The following ADAMTS16 variants were observed in gnomAD, a reference collection of about 807,000 sequenced individuals.
ADAMTS16 encodes the protein ADAM metallopeptidase with thrombospondin type 1 motif 16, also known as A disintegrin and metalloproteinase with thrombospondin motifs 16.
ADAMTS16 carries 94 observed loss-of-function variants against 145.8 expected under a neutral mutation model. The observed-to-expected ratio is 0.64, with a 90% CI of 0.55 to 0.77. The LOEUF is 0.77. Ranked by LOEUF, ADAMTS16 falls within the 30% of genes least tolerant of loss-of-function variation. The probability of loss-of-function intolerance (pLI) is 0.00; values close to 1 mark genes in which losing one functional copy is unlikely to be tolerated. For missense variants in ADAMTS16, 1,585 were observed against 1,591.5 expected (o/e 1.00, Z 0.07); for synonymous variants, 659 against 604.3 (o/e 1.09, Z -1.33).
chr5:5,246,463 A>G (rs1362383526), intron 17 of ADAMTS16, among the ~76,000 whole-genome samples: 1 of 152,198 alleles, frequency 6.6e-6, no homozygotes, highest in African/African-American at 2.4e-5. Context: ...TTTGAAAAAA[A>G]TGATTGAAAT....
intron 3 of ADAMTS16, among the ~76,000 whole-genome samples, chr5:5,169,260 T>G (rs977715028): frequency 2.0e-5 from 3 of 152,220 alleles, no homozygotes; most frequent in Non-Finnish European, 4.4e-5. Flanking sequence ...ATTTCTTGTT[T>G]CAACGTAGAA....
chr5:5,282,508 G>A (rs947102825), intron 18 of ADAMTS16, among the ~76,000 whole-genome samples: 5 of 152,070 alleles, frequency 3.3e-5, no homozygotes, highest in Admixed American at 3.3e-4. Context: ...ATCCACATGC[G>A]GTTCACAAAG....
At chr5:5,282,238 C>G (rs182974298) in intron 18 of ADAMTS16, among the ~76,000 whole-genome samples, 2 of 152,190 alleles carry the variant, frequency 1.3e-5, no homozygotes, top group East Asian at 3.9e-4. Context: ...TGGAGTTTCC[C>G]TTAATAGATT....
intron 18 of ADAMTS16, among the ~76,000 whole-genome samples, chr5:5,277,203 T>G (rs1017788808): frequency 8.5e-5 from 13 of 152,300 alleles, no homozygotes; most frequent in Non-Finnish European, 1.5e-4. Context: ...CAAATGTCAG[T>G]GGAAGGACAG....
At chr5:5,206,425 C>CAAAAAAAAAAA (rs1173829992) in intron 9 of ADAMTS16, among the ~76,000 whole-genome samples, 35 of 39,424 alleles carry the variant, frequency 8.9e-4, no homozygotes, top group South Asian at 2.5e-3. Context: ...GACTCCGTCT[C>CAAAAAAAAAAA]AAAAAAAAAA....
rs927627343 is a variant in ADAMTS16, at chr5:5,262,752, G to T, written c.2758G>T (p.Val920Leu). Reference protein sequence around the residue: ...NPKTRPVTGLVPCKVSACPPS... With the variant: ...NPKTRPVTGLLPCKVSACPPS... ...CAAGACACGACCTGTCACGGGGCTG[G>T]TGCCTTGCAAAGTATCTGCCTGTCC... Residue 920 changes from valine to leucine, a missense_variant, in exon 18 of 23, where the codon GTG becomes TTG. This residue lies in a region of ADAMTS16 where 834 missense variants were observed against 811.7 expected (regional missense o/e 1.03). Transcript: ENST00000274181. 6.2e-7 allele frequency: 1 copy of T among 1,614,092 alleles called. No individual in the cohort carries two copies. Among genetic ancestry groups the T allele is most frequent in the Non-Finnish European group, 8.5e-7 (1 of 1,180,044 alleles).
chr5:5,189,905 G>A (rs1294428998), intron 6 of ADAMTS16, 66 bp from the exon 7 acceptor site: 3 of 1,582,668 alleles, frequency 1.9e-6, no homozygotes, highest in Non-Finnish European at 1.7e-6. Flanking sequence ...TTGCTGTGAT[G>A]ACAATGCATT....
rs1365226886 is a variant in ADAMTS16 at position 5,220,619 on chromosome 5, A to G, written c.1606-2170A>G. On this transcript the variant is annotated intron_variant, in intron 10 of 22. Coordinates refer to ENST00000274181, the MANE Select transcript of ADAMTS16 (RefSeq NM_139056.4). Reference sequence around the variant, plus strand: ...GTGCCATTGTCTCCTCAAGCCCTTAAGCGAGAAAGGAAAGGTGCAGTGCCC... The same window carrying G: ...GTGCCATTGTCTCCTCAAGCCCTTAGGCGAGAAAGGAAAGGTGCAGTGCCC... 2.0e-5 allele frequency among the ~76,000 whole-genome samples: 3 copies of G among 152,096 alleles called. No homozygotes were observed. In the East Asian group the frequency reaches 5.8e-4, roughly 29 times the overall value.
intron 6 of ADAMTS16, among the ~76,000 whole-genome samples, chr5:5,188,761 A>G (rs578132802): frequency 3.1e-4 from 47 of 152,316 alleles, no homozygotes; most frequent in African/African-American, 1.1e-3. Context: ...ATGTGTGGAC[A>G]GGGCTATTTC....
chr5:5,165,335 A>T (rs529243097), intron 3 of ADAMTS16, among the ~76,000 whole-genome samples: 1 of 152,182 alleles, frequency 6.6e-6, no homozygotes, highest in East Asian at 1.9e-4. Flanking sequence ...TTATCCATTC[A>T]CCAGTTAATG....
intron 4 of ADAMTS16, among the ~76,000 whole-genome samples, chr5:5,184,442 G>C (rs561885019): frequency 3.4e-4 from 52 of 152,096 alleles, no homozygotes; most frequent in Non-Finnish European, 7.1e-4. Context: ...TGTTGTCCCT[G>C]AGGCTTTTGG....
intron 3 of ADAMTS16, among the ~76,000 whole-genome samples, chr5:5,180,063 A>G (rs1030793934): frequency 2.6e-5 from 4 of 152,194 alleles, no homozygotes; most frequent in Admixed American, 6.5e-5. Context: ...AGGACAGCCC[A>G]GCCCCATGCA....
chr5:5,231,314 G>C (rs1442196982), intron 11 of ADAMTS16, among the ~76,000 whole-genome samples: 1 of 152,194 alleles, frequency 6.6e-6, no homozygotes, highest in Admixed American at 6.5e-5. Flanking sequence ...AGCATTAAAT[G>C]GGGCCATTTG....
intron 3 of ADAMTS16, among the ~76,000 whole-genome samples, chr5:5,158,952 C>T (rs1186260107): frequency 6.6e-6 from 1 of 152,220 alleles, no homozygotes. Flanking sequence ...ACCCTGCATC[C>T]TCCACAAAAA....
intron 3 of ADAMTS16, among the ~76,000 whole-genome samples, chr5:5,168,521 A>G (rs1028543972): frequency 4.9e-5 from 7 of 142,864 alleles, no homozygotes; most frequent in African/African-American, 1.8e-4. Context: ...CTCTAATTGC[A>G]CCATAAGTAA....
chr5:5,152,550 C>T (rs1175257819), intron 3 of ADAMTS16, among the ~76,000 whole-genome samples: 1 of 152,108 alleles, frequency 6.6e-6, no homozygotes, highest in South Asian at 2.1e-4. Flanking sequence ...GGCTTGCCTC[C>T]CCTGTAGTGC....
intron 2 of ADAMTS16, among the ~76,000 whole-genome samples, chr5:5,142,650 G>C (rs1238467568): frequency 6.6e-6 from 1 of 152,198 alleles, no homozygotes; most frequent in South Asian, 2.1e-4. Flanking sequence ...TAGACAAGTT[G>C]GTTCTGAAAT....
chr5:5,160,720 G>T (rs1428015), intron 3 of ADAMTS16, among the ~76,000 whole-genome samples: 100,887 of 150,158 alleles, frequency 0.67, 34,626 homozygotes, highest in Middle Eastern at 0.83. Flanking sequence ...AAGTGCACCT[G>T]ATCTTGTCTT....
chr5:5,178,215 G>T (rs964913850), intron 3 of ADAMTS16, among the ~76,000 whole-genome samples: 5 of 152,168 alleles, frequency 3.3e-5, no homozygotes, highest in Admixed American at 2.6e-4. Context: ...TAAGTGTTTG[G>T]TGAGTTTTTC....
Sources: allele counts gnomAD v4.1 joint callset (sites outside exome capture counted in the v4.1 genomes callset), GRCh38; gene constraint gnomAD v4.1.1; regional missense constraint gnomAD v4.1.1; transcripts MANE v1.5; gene names NCBI Gene and HGNC (gene_info 2026-07-23, HGNC 2026-07-21).